PDE4B: variants seen among roughly 807,000 people sequenced by gnomAD.
PDE4B encodes 3',5'-cyclic-AMP phosphodiesterase 4B.
PDE4B carries 20 observed loss-of-function variants against 82.2 expected under a neutral mutation model. The observed-to-expected ratio is 0.24, with a 90% CI of 0.17 to 0.35. The LOEUF (loss-of-function observed/expected upper bound fraction) is 0.35, where lower values mean the gene tolerates loss of function less well. Among genes scored for constraint, PDE4B ranks in the 10% least tolerant of loss-of-function variants. The pLI is 1.00. For synonymous variants in PDE4B, 320 were observed against 318.9 expected, an observed-to-expected ratio of 1.00 and a Z score of -0.04; for missense variants, 655 against 907.2, an observed-to-expected ratio of 0.72 and a Z score of 3.57.
chr1:66,096,397 A>G (rs1467685702), intron 3 of PDE4B, among the ~76,000 whole-genome samples: 1 of 150,834 alleles, frequency 6.6e-6, no homozygotes, highest in Non-Finnish European at 1.5e-5. Context: ...GTTGCATAAC[A>G]ACCACCACAA....
intron 13 of PDE4B, among the ~76,000 whole-genome samples, chr1:66,366,779 C>T (rs1431104669): frequency 6.6e-6 from 1 of 152,178 alleles, no homozygotes; most frequent in Non-Finnish European, 1.5e-5. Context: ...CCACAGTCAC[C>T]TATAGCACTG....
intron 3 of PDE4B, among the ~76,000 whole-genome samples, chr1:66,203,258 T>G (rs1398396749): frequency 1.3e-5 from 2 of 152,154 alleles, no homozygotes; most frequent in Non-Finnish European, 2.9e-5. Flanking sequence ...TAACCTGACC[T>G]TTCTCTCTGG....
At chr1:66,013,704 TG>T (rs1557497637) in intron 3 of PDE4B, among the ~76,000 whole-genome samples, 1 of 152,124 alleles carries the variant, frequency 6.6e-6, no homozygotes, top group Non-Finnish European at 1.5e-5. Flanking sequence ...CATCCACCTA[TG>T]GAAATTTAGG....
chr1:65,797,906 C>T (rs1570944251), intron 1 of PDE4B, among the ~76,000 whole-genome samples: 1 of 152,222 alleles, frequency 6.6e-6, no homozygotes, highest in African/African-American at 2.4e-5. Context: ...TTCCTCCAGC[C>T]TAGAGGTCAC....
intron 6 of PDE4B, among the ~76,000 whole-genome samples, chr1:66,260,066 A>T (rs753135202): frequency 5.3e-5 from 8 of 152,196 alleles, no homozygotes; most frequent in Non-Finnish European, 1.0e-4. Context: ...ATTATAATGG[A>T]TCGTTACATT....
At chr1:65,965,521 T>A (rs1439007938) in intron 3 of PDE4B, among the ~76,000 whole-genome samples, 1 of 21,960 alleles carries the variant, frequency 4.6e-5, no homozygotes, top group Non-Finnish European at 1.0e-4. Context: ...TCTTGTGATT[T>A]TTTTTTTTTT....
At chr1:66,105,596 G>T (rs1287858690) in intron 3 of PDE4B, among the ~76,000 whole-genome samples, 9 of 151,842 alleles carry the variant, frequency 5.9e-5, no homozygotes, top group Admixed American at 1.3e-4. Context: ...TCCATTTGTT[G>T]GTATCCTCTT....
chr1:66,051,435 G>A (rs896315180), intron 3 of PDE4B, among the ~76,000 whole-genome samples: 3 of 152,012 alleles, frequency 2.0e-5, no homozygotes, highest in East Asian at 3.9e-4. Context: ...TATTTTGGGG[G>A]AAAGATTAGG....
intron 7 of PDE4B, among the ~76,000 whole-genome samples, chr1:66,297,252 C>T (rs950399838): frequency 2.3e-4 from 35 of 152,100 alleles, no homozygotes; most frequent in African/African-American, 8.5e-4. Flanking sequence ...CCATTATTAC[C>T]TAAGACCCTT....
intron 7 of PDE4B, among the ~76,000 whole-genome samples, chr1:66,306,231 AT>A (rs2101851897): frequency 6.6e-6 from 1 of 152,222 alleles, no homozygotes; most frequent in East Asian, 1.9e-4. Flanking sequence ...AAATTAAGGG[AT>A]TTTATTTGTT....
At chr1:65,897,674 T>C (rs1001415656) in intron 1 of PDE4B, among the ~76,000 whole-genome samples, 20 of 152,084 alleles carry the variant, frequency 1.3e-4, no homozygotes, top group Admixed American at 1.3e-3. Context: ...TTGTTCTTTT[T>C]TATGACTGCA....
intron 1 of PDE4B, among the ~76,000 whole-genome samples, chr1:65,891,692 A>G (rs1462418312): frequency 2.6e-5 from 4 of 152,118 alleles, no homozygotes; most frequent in African/African-American, 9.6e-5. Context: ...AATGGATTTA[A>G]TACTAAAATG....
At chr1:66,247,437 G>A in intron 3 of PDE4B, 23 bp from the exon 4 acceptor site, 1 of 1,528,074 alleles carries the variant, frequency 6.5e-7, no homozygotes, top group Non-Finnish European at 8.8e-7. Flanking sequence ...CATGTGACCA[G>A]AGTTTCCCAC....
intron 8 of PDE4B, chr1:66,354,748 G>GA: frequency 6.8e-7 from 1 of 1,479,230 alleles, no homozygotes; most frequent in Non-Finnish European, 8.9e-7. Flanking sequence ...TTTTATCACT[G>GA]AATCTGCAGG....
chr1:66,262,227 A>G (rs138248781), intron 6 of PDE4B, among the ~76,000 whole-genome samples: 21 of 152,360 alleles, frequency 1.4e-4, no homozygotes, highest in African/African-American at 4.6e-4. Flanking sequence ...TTTAGCGTTC[A>G]GAGCTGGAAT....
At chr1:66,320,851 G>A (rs1287245989) in intron 7 of PDE4B, among the ~76,000 whole-genome samples, 5 of 152,164 alleles carry the variant, frequency 3.3e-5, no homozygotes, top group Admixed American at 6.5e-5. Flanking sequence ...AGAATATTTA[G>A]AAAACTTTGT....
intron 3 of PDE4B, among the ~76,000 whole-genome samples, chr1:66,221,315 C>T (rs949932917): frequency 6.6e-6 from 1 of 152,084 alleles, no homozygotes; most frequent in African/African-American, 2.4e-5. Context: ...CACATGCAAG[C>T]CCCTTGTTTA....
chr1:66,243,588 G>A (rs571339110), intron 3 of PDE4B, among the ~76,000 whole-genome samples: 5 of 152,290 alleles, frequency 3.3e-5, no homozygotes, highest in South Asian at 2.1e-4. Flanking sequence ...GTCAGAGAGC[G>A]CATACTCTGG....
chr1:66,096,180 C>G (rs1354658960), intron 3 of PDE4B, among the ~76,000 whole-genome samples: 1 of 151,670 alleles, frequency 6.6e-6, no homozygotes, highest in African/African-American at 2.4e-5. Flanking sequence ...TTTCCTTACC[C>G]TTCCTAGCCT....
Sources: allele counts gnomAD v4.1 joint callset (sites outside exome capture counted in the v4.1 genomes callset), GRCh38; gene constraint gnomAD v4.1.1; transcripts MANE v1.5; gene names NCBI Gene and HGNC (gene_info 2026-07-23, HGNC 2026-07-21).